The following PCCA variants were observed in gnomAD, a reference collection of about 807,000 sequenced individuals.
PCCA encodes the protein propionyl-CoA carboxylase subunit alpha.
A neutral mutation model predicts 101.3 loss-of-function variants in PCCA; 74 were observed. That is an observed-to-expected ratio of 0.73 (90% CI 0.61 to 0.89). The LOEUF (loss-of-function observed/expected upper bound fraction) is 0.89, where lower values mean the gene tolerates loss of function less well. Ranked by LOEUF, PCCA falls within the 40% of genes least tolerant of loss-of-function variation. PCCA has a pLI of 0.00. For synonymous variants in PCCA, 294 were observed against 313.6 expected (o/e 0.94, Z 0.66); for missense variants, 891 against 907.0 (o/e 0.98, Z 0.23).
intron 12 of PCCA, among the ~76,000 whole-genome samples, chr13:100,278,143 A>G (rs2063799038): frequency 6.6e-6 from 1 of 152,236 alleles, no homozygotes; most frequent in Admixed American, 6.5e-5. Flanking sequence ...ATTAAAATGT[A>G]TCTTTATAAC....
chr13:100,527,727 G>A lies in PCCA; in HGVS notation c.2093G>A (p.Ser698Asn), dbSNP rs773630495. Residue 698 changes from serine to asparagine, a missense_variant, in exon 23 of 24, where the codon AGT becomes AAT. Coordinates refer to ENST00000376285, the MANE Select transcript of PCCA (RefSeq NM_000282.4). ...ATTGAAGCCATGAAAATGCAGAATA[G>A]TATGACAGCTGGGAAAACTGGCACG... ...CVIEAMKMQN[S>N]MTAGKTGTVK... 1 of 1,613,912 alleles carries A rather than the reference G, an allele frequency of 6.2e-7. No homozygotes were observed. The highest frequency in any genetic ancestry group is 1.1e-5 in the South Asian group (1 of 91,082).
chr13:100,101,789 G>T (rs1296940377), intron 1 of PCCA, among the ~76,000 whole-genome samples: 1 of 151,988 alleles, frequency 6.6e-6, no homozygotes, highest in Non-Finnish European at 1.5e-5. Context: ...TTTTAGTAGA[G>T]ACGGGATTTC....
At chr13:100,392,010 T>TGG (rs1394195664) in intron 19 of PCCA, among the ~76,000 whole-genome samples, 1 of 152,242 alleles carries the variant, frequency 6.6e-6, no homozygotes, top group East Asian at 1.9e-4. Context: ...TCACTTAAGA[T>TGG]GGTGTTCATT....
At chr13:100,258,975 A>T (rs139249700) in intron 9 of PCCA, among the ~76,000 whole-genome samples, 4 of 152,196 alleles carry the variant, frequency 2.6e-5, no homozygotes, top group African/African-American at 4.8e-5. Flanking sequence ...AAGTTGCTCT[A>T]TGTCCCTTAT....
At chr13:100,377,938 A>G (rs2076019769) in intron 19 of PCCA, among the ~76,000 whole-genome samples, 1 of 151,530 alleles carries the variant, frequency 6.6e-6, no homozygotes, top group African/African-American at 2.4e-5. Context: ...TATATTGTTT[A>G]TCTTTGTGGT....
At chr13:100,488,633 G>GTT (rs1242466744) in intron 21 of PCCA, among the ~76,000 whole-genome samples, 3 of 62,598 alleles carry the variant, frequency 4.8e-5, no homozygotes, top group East Asian at 2.5e-3. Context: ...TTTTTGTTTT[G>GTT]TTTTTTTTTT....
chr13:100,421,981 A>G (rs1162249777), intron 19 of PCCA, among the ~76,000 whole-genome samples: 1 of 150,734 alleles, frequency 6.6e-6, no homozygotes, highest in Non-Finnish European at 1.5e-5. Flanking sequence ...CACTGCACCC[A>G]ACCCATGATT....
intron 7 of PCCA, among the ~76,000 whole-genome samples, chr13:100,221,292 C>G (rs1200477622): frequency 6.6e-6 from 1 of 152,242 alleles, no homozygotes; most frequent in African/African-American, 2.4e-5. Flanking sequence ...CCCAGTGTGA[C>G]TCATCTCACC....
intron 17 of PCCA, among the ~76,000 whole-genome samples, chr13:100,337,097 T>A (rs994380682): frequency 1.3e-5 from 2 of 152,078 alleles, no homozygotes. Flanking sequence ...GTAGGAAGAA[T>A]TGGAGAGCTT....
At chr13:100,450,608 A>T (rs2152926886) in intron 21 of PCCA, among the ~76,000 whole-genome samples, 1 of 152,266 alleles carries the variant, frequency 6.6e-6, no homozygotes, top group East Asian at 1.9e-4. Flanking sequence ...TTCTGCAAGA[A>T]TATCAAGAGG....
chr13:100,495,487 A>T (rs902578918), intron 21 of PCCA, among the ~76,000 whole-genome samples: 38 of 152,060 alleles, frequency 2.5e-4, no homozygotes, highest in African/African-American at 6.5e-4. Flanking sequence ...AGTGCAGAAA[A>T]TTTTTTTTAA....
At chr13:100,172,898 C>G (rs1293172189) in intron 6 of PCCA, among the ~76,000 whole-genome samples, 1 of 152,172 alleles carries the variant, frequency 6.6e-6, no homozygotes, top group Non-Finnish European at 1.5e-5. Flanking sequence ...AGGATTTGAA[C>G]CCCGTCATTA....
chr13:100,366,590 C>G (rs2075181374), intron 18 of PCCA, among the ~76,000 whole-genome samples: 1 of 152,054 alleles, frequency 6.6e-6, no homozygotes, highest in Non-Finnish European at 1.5e-5. Context: ...CCCTTTCTTC[C>G]CTTCTTCCTT....
chr13:100,428,268 A>G (rs2079294149), intron 20 of PCCA, among the ~76,000 whole-genome samples: 1 of 151,158 alleles, frequency 6.6e-6, no homozygotes, highest in Non-Finnish European at 1.5e-5. Context: ...AGGCCTCACT[A>G]TGTTGCCCAG....
At chr13:100,214,427 G>A (rs945839173) in intron 7 of PCCA, among the ~76,000 whole-genome samples, 2 of 151,184 alleles carry the variant, frequency 1.3e-5, no homozygotes, top group African/African-American at 2.4e-5. Flanking sequence ...GTGTGTGTGT[G>A]TGTGTGTTTT....
intron 16 of PCCA, among the ~76,000 whole-genome samples, chr13:100,322,603 C>T (rs1057253156): frequency 6.6e-6 from 1 of 150,598 alleles, no homozygotes; most frequent in Non-Finnish European, 1.5e-5. Flanking sequence ...TAGGGTCTCT[C>T]TCTGTCACCC....
intron 19 of PCCA, among the ~76,000 whole-genome samples, chr13:100,400,358 G>A (rs1241617851): frequency 6.6e-6 from 1 of 152,226 alleles, no homozygotes; most frequent in East Asian, 1.9e-4. Context: ...TTATCAAAAA[G>A]TACCCATCTA....
chr13:100,526,415 G>T (rs1410852129), intron 22 of PCCA, among the ~76,000 whole-genome samples: 1 of 152,246 alleles, frequency 6.6e-6, no homozygotes, highest in Non-Finnish European at 1.5e-5. Context: ...ATATTTCTAT[G>T]CCAGGAAGAA....
chr13:100,357,567 T>C (rs1020209287), intron 18 of PCCA, among the ~76,000 whole-genome samples: 2 of 152,216 alleles, frequency 1.3e-5, no homozygotes, highest in Admixed American at 6.5e-5. Context: ...GTTCCTACAA[T>C]GGCAGTGTAG....
Sources: gnomAD v4.1 joint callset for allele counts (sites outside exome capture counted in the v4.1 genomes callset) on GRCh38, gnomAD v4.1.1 for gene constraint, MANE v1.5 for transcripts, NCBI Gene and HGNC (gene_info 2026-07-23, HGNC 2026-07-21) for gene names.